IPO11: variants seen among roughly 807,000 people sequenced by gnomAD.
The protein encoded by IPO11 is importin 11, also known as importin-11.
Under a neutral mutation model 143.2 loss-of-function variants are expected in IPO11, and 66 were observed. That is an observed-to-expected ratio of 0.46 (90% confidence interval 0.38 to 0.57). IPO11 has a LOEUF of 0.57. Among genes scored for constraint, IPO11 ranks in the 20% least tolerant of loss-of-function variants. The probability of loss-of-function intolerance (pLI) is 0.00; values close to 1 mark genes in which losing one functional copy is unlikely to be tolerated. For synonymous variants in IPO11, 385 were observed against 377.8 expected, an observed-to-expected ratio of 1.02 and a Z score of -0.22; for missense variants, 1,026 against 1,141.0, an observed-to-expected ratio of 0.90 and a Z score of 1.45.
At chr5:62,451,698 T>G in intron 4 of IPO11, 32 bp from the exon 5 acceptor site, 1 of 1,557,114 alleles carries the variant, frequency 6.4e-7, no homozygotes, top group Non-Finnish European at 8.9e-7. Context: ...ATCTATTGCC[T>G]TGATTCCATT....
At chr5:62,559,628 T>C (rs1464222507) in intron 26 of IPO11, among the ~76,000 whole-genome samples, 2 of 151,940 alleles carry the variant, frequency 1.3e-5, no homozygotes, top group African/African-American at 4.8e-5. Context: ...AAGAAGTAAT[T>C]CCTCATGGCT....
chr5:62,446,814 C>G (rs1365788639), intron 3 of IPO11, among the ~76,000 whole-genome samples: 1 of 151,998 alleles, frequency 6.6e-6, no homozygotes, highest in East Asian at 1.9e-4. Flanking sequence ...ACTAAAAATA[C>G]AAAAACTAGC....
At chr5:62,421,250 G>A (rs563360285) in intron 1 of IPO11, among the ~76,000 whole-genome samples, 7 of 152,192 alleles carry the variant, frequency 4.6e-5, no homozygotes, top group Non-Finnish European at 8.8e-5. Flanking sequence ...TGTATATTCT[G>A]TATAATACAC....
chr5:62,414,691 A>G (rs552961626), intron 1 of IPO11, among the ~76,000 whole-genome samples: 4 of 152,234 alleles, frequency 2.6e-5, no homozygotes, highest in South Asian at 2.1e-4. Context: ...TTAGAAATGC[A>G]TGATCTCAGG....
intron 24 of IPO11, among the ~76,000 whole-genome samples, chr5:62,549,928 T>G (rs750661793): frequency 2.6e-5 from 4 of 152,228 alleles, no homozygotes; most frequent in Non-Finnish European, 5.9e-5. Context: ...ATTGATTAAC[T>G]TAAATGTAGA....
chr5:62,621,512 C>T (rs937259984), intron 29 of IPO11, among the ~76,000 whole-genome samples: 14 of 152,130 alleles, frequency 9.2e-5, no homozygotes, highest in Non-Finnish European at 1.9e-4. Context: ...GTTAGAGATT[C>T]TCCCAGACCT....
intron 1 of IPO11, among the ~76,000 whole-genome samples, chr5:62,435,190 GTATA>G (rs1214327068): frequency 9.8e-6 from 1 of 101,758 alleles, no homozygotes; most frequent in Admixed American, 1.1e-4. Flanking sequence ...GTATATATAT[GTATA>G]TATATGTATA....
At chr5:62,579,043 A>G (rs1744435306) in intron 27 of IPO11, 1 of 235,888 alleles carries the variant, frequency 4.2e-6, no homozygotes, top group African/African-American at 2.3e-5. Flanking sequence ...TATTTTCATA[A>G]ATTATAATGT....
rs151263786 is a variant in IPO11, at chr5:62,564,888, C to T, written c.2582+3631C>T. 8.4e-4 allele frequency among the ~76,000 whole-genome samples: 128 copies of T among 152,324 alleles called. 3 individuals are homozygous for T. The highest frequency in any genetic ancestry group is 3.0e-3 in the African/African-American group (124 of 41,572). ...GACCACACTCAAATCCCAGGGCCAT[C>T]AGTCACTTGCTAATGACCATGGTCA... On this transcript the variant is annotated intron_variant, in intron 27 of 29. Coordinates refer to ENST00000325324, the MANE Select transcript of IPO11 (RefSeq NM_016338.5).
chr5:62,474,003 A>G (rs2112205686), intron 7 of IPO11, among the ~76,000 whole-genome samples: 1 of 152,284 alleles, frequency 6.6e-6, no homozygotes, highest in African/African-American at 2.4e-5. Flanking sequence ...AAAGCAGTAA[A>G]CAGAGCAAAG....
intron 1 of IPO11, among the ~76,000 whole-genome samples, chr5:62,419,474 C>T (rs1194491970): frequency 6.6e-6 from 1 of 152,154 alleles, no homozygotes; most frequent in African/African-American, 2.4e-5. Flanking sequence ...GACGCAAACA[C>T]ACACATTAAC....
intron 9 of IPO11, among the ~76,000 whole-genome samples, chr5:62,479,989 G>A (rs1211816289): frequency 6.6e-6 from 1 of 152,156 alleles, no homozygotes; most frequent in Non-Finnish European, 1.5e-5. Flanking sequence ...ATTGCTTTTA[G>A]TGTTTTAGTC....
chr5:62,418,311 G>A (rs929645360), intron 1 of IPO11, among the ~76,000 whole-genome samples: 4 of 151,974 alleles, frequency 2.6e-5, no homozygotes, highest in East Asian at 1.9e-4. Context: ...GATTACAGAC[G>A]TGCGCCACCA....
At chr5:62,521,684 A>G (rs550506653) in intron 20 of IPO11, among the ~76,000 whole-genome samples, 1 of 150,204 alleles carries the variant, frequency 6.7e-6, no homozygotes, top group Non-Finnish European at 1.5e-5. Flanking sequence ...TGTTACTTAC[A>G]TGATAGATAT....
chr5:62,589,208 C>T (rs1004681528), intron 27 of IPO11, among the ~76,000 whole-genome samples: 1 of 152,138 alleles, frequency 6.6e-6, no homozygotes, highest in Admixed American at 6.6e-5. Context: ...CCCTTCAACC[C>T]TGCACTCCCT....
At chr5:62,433,153 G>T (rs247239) in intron 1 of IPO11, among the ~76,000 whole-genome samples, 79,285 of 146,700 alleles carry the variant, frequency 0.54, 21,164 homozygotes, top group East Asian at 0.66. Context: ...TTTGTTTTTT[G>T]TTTTTTTTTT....
intron 1 of IPO11, among the ~76,000 whole-genome samples, chr5:62,417,867 G>A (rs1181445314): frequency 6.6e-6 from 1 of 152,166 alleles, no homozygotes; most frequent in East Asian, 1.9e-4. Context: ...TATGAGCCAT[G>A]CAGGCACCAA....
chr5:62,424,857 T>C (rs929747453), intron 1 of IPO11, among the ~76,000 whole-genome samples: 1 of 152,210 alleles, frequency 6.6e-6, no homozygotes, highest in Non-Finnish European at 1.5e-5. Context: ...CAGTCTCCTT[T>C]ATGCTAGACA....
At chr5:62,478,722 G>A (rs1008501500) in intron 9 of IPO11, among the ~76,000 whole-genome samples, 1 of 152,072 alleles carries the variant, frequency 6.6e-6, no homozygotes, top group Non-Finnish European at 1.5e-5. Flanking sequence ...TTGATTGCTT[G>A]TGTCGCCACA....
Sources: allele counts gnomAD v4.1 joint callset (sites outside exome capture counted in the v4.1 genomes callset), GRCh38; gene constraint gnomAD v4.1.1; transcripts MANE v1.5; gene names NCBI Gene and HGNC (gene_info 2026-07-23, HGNC 2026-07-21).